Variants in TNKS observed in about 807,000 individuals in gnomAD.
TNKS encodes tankyrase, also known as poly [ADP-ribose] polymerase tankyrase-1.
In TNKS, 72 loss-of-function variants were observed where a neutral mutation model predicts 135.8. The observed-to-expected ratio is 0.53, with a 90% confidence interval of 0.44 to 0.64. The LOEUF is 0.64. TNKS is among the 30% of genes least tolerant of loss of function. The pLI is 0.00. For missense variants in TNKS, 1,769 were observed against 1,674.0 expected (o/e 1.06, Z -0.99); for synonymous variants, 849 against 649.3 (o/e 1.31, Z -4.68).
intron 20 of TNKS, among the ~76,000 whole-genome samples, chr8:9,756,824 A>G (rs1563213789): frequency 6.6e-6 from 1 of 152,042 alleles, no homozygotes; most frequent in African/African-American, 2.4e-5. Context: ...ATGCCATTTT[A>G]TCTTCTTCTT....
chr8:9,665,162 T>G (rs1801929860), intron 3 of TNKS, among the ~76,000 whole-genome samples: 1 of 152,210 alleles, frequency 6.6e-6, no homozygotes, highest in Non-Finnish European at 1.5e-5. Flanking sequence ...GACGTAAGTT[T>G]CCATTTGCTG....
chr8:9,556,521 C>T lies in TNKS; in HGVS notation c.582C>T (p.Asp194=). The T allele has an allele frequency of 6.2e-7, 1 of 1,614,098 alleles. No homozygotes were observed. The highest frequency in any genetic ancestry group is 8.5e-7 in the Non-Finnish European group (1 of 1,180,030). Residue 194 remains aspartate, a synonymous_variant, in exon 1 of 27, where the codon GAC becomes GAT. Transcript: ENST00000310430. ...RELLEACRNG[D]VSRVKRLVDA... ...TGCTGGAGGCCTGTCGCAATGGGGA[C>T]GTGTCCCGGGTAAAGAGGCTGGTGG... is the stretch of plus-strand genomic sequence containing the variant.
At chr8:9,614,064 A>G (rs1799553736) in intron 2 of TNKS, among the ~76,000 whole-genome samples, 1 of 152,172 alleles carries the variant, frequency 6.6e-6, no homozygotes, top group African/African-American at 2.4e-5. Context: ...AAAGTTAGAG[A>G]TAGTTATCAG....
intron 2 of TNKS, among the ~76,000 whole-genome samples, chr8:9,590,997 T>C (rs1798570949): frequency 1.3e-5 from 2 of 152,228 alleles, no homozygotes; most frequent in Admixed American, 1.3e-4. Context: ...CCCTAGATCA[T>C]GATTTAACTC....
chr8:9,762,081 A>G (rs1430143973), intron 21 of TNKS, among the ~76,000 whole-genome samples: 8 of 152,232 alleles, frequency 5.3e-5, no homozygotes, highest in Non-Finnish European at 8.8e-5. Context: ...TGTTTCTTTT[A>G]GGATAGAATC....
chr8:9,645,996 A>G (rs1292364745), intron 3 of TNKS, among the ~76,000 whole-genome samples: 1 of 152,154 alleles, frequency 6.6e-6, no homozygotes, highest in Non-Finnish European at 1.5e-5. Context: ...AACCCTTCTC[A>G]GTTCTTCAAT....
Position 9,780,526 on chromosome 8 carries a change from T to C in TNKS, c.*3790T>C, listed in dbSNP as rs1808414073. ...AATTGTGAAAGTGATGTTTGAGCTA[T>C]TGTACACATCTAGCATATGGAAAGC... On this transcript the variant is annotated 3_prime_UTR_variant, in exon 27 of 27. Coordinates refer to ENST00000310430, the MANE Select transcript of TNKS (RefSeq NM_003747.3). The C allele has an allele frequency of 6.6e-6, 1 of 152,240 alleles. No individual in the cohort carries two copies. The highest frequency in any genetic ancestry group is 1.5e-5 in the Non-Finnish European group (1 of 68,040). The allele number at this position is 152,240 out of a possible 1,614,324, so 9.4% of individuals were successfully genotyped here.
rs546520417 is a variant in TNKS, at chr8:9,587,473, C to A, written c.898+7090C>A. On this transcript the variant is annotated intron_variant, in intron 2 of 26. Coordinates refer to ENST00000310430, the MANE Select transcript of TNKS (RefSeq NM_003747.3). ...GGAGTGCAGTGGCACAGTCTCGGCT[C>A]ACTGTAAGCTCGGCCTCCTGGGTTC... 5.2e-4 allele frequency among the ~76,000 whole-genome samples: 78 copies of A among 151,400 alleles called. 1 individual carries two copies. In the South Asian group the frequency reaches 0.015, roughly 29 times the overall value.
chr8:9,709,406 G>A (rs367917492), intron 9 of TNKS, among the ~76,000 whole-genome samples: 1 of 151,920 alleles, frequency 6.6e-6, no homozygotes. Flanking sequence ...ATTTTAATAC[G>A]AATATTAAAA....
intron 3 of TNKS, 85 bp downstream of exon 3, chr8:9,615,762 T>G (rs372793827): frequency 2.2e-5 from 24 of 1,077,656 alleles, no homozygotes; most frequent in African/African-American, 1.9e-4. Context: ...TGAATTTTTC[T>G]TTTCACTGAT....
chr8:9,756,953 C>CT (rs1480940610), intron 20 of TNKS, among the ~76,000 whole-genome samples: 1 of 151,712 alleles, frequency 6.6e-6, no homozygotes, highest in South Asian at 2.1e-4. Flanking sequence ...CTTTGGTATA[C>CT]TTTTTTTGTT....
chr8:9,649,743 G>A (rs937728869), intron 3 of TNKS, among the ~76,000 whole-genome samples: 1 of 151,808 alleles, frequency 6.6e-6, no homozygotes, highest in East Asian at 1.9e-4. Context: ...CCATTCCTGA[G>A]TTACTTCACT....
At chr8:9,733,850 C>T (rs1805561358) in intron 15 of TNKS, among the ~76,000 whole-genome samples, 1 of 151,868 alleles carries the variant, frequency 6.6e-6, no homozygotes. Context: ...AATATTGTGT[C>T]TTTAAGAACT....
chr8:9,683,675 CTT>C (rs1802873882), intron 5 of TNKS, among the ~76,000 whole-genome samples: 1 of 150,934 alleles, frequency 6.6e-6, no homozygotes, highest in South Asian at 2.1e-4. Context: ...GGGTTTGAGA[CTT>C]TAGGTTTTTT....
At chr8:9,578,383 T>G (rs549644017) in intron 1 of TNKS, among the ~76,000 whole-genome samples, 1 of 152,236 alleles carries the variant, frequency 6.6e-6, no homozygotes, top group Non-Finnish European at 1.5e-5. Context: ...CCAGGAACCC[T>G]GGTAAGATGC....
In TNKS at chr8:9,572,112, A is replaced by C. The variant is rs80271037; in HGVS notation, c.674-8047A>C. On this transcript the variant is annotated intron_variant, in intron 1 of 26. Coordinates refer to ENST00000310430, the MANE Select transcript of TNKS (RefSeq NM_003747.3). ...ATGATATATAGACATAAGCTCACAC[A>C]CGTACTACTGAATTCATTTTTTGTC... Among the ~76,000 whole-genome samples the C allele has an allele frequency of 2.9e-4, 44 of 152,310 alleles. No homozygotes were observed. In the East Asian group the frequency reaches 7.9e-3, roughly 27 times the overall value.
intron 2 of TNKS, among the ~76,000 whole-genome samples, chr8:9,598,247 C>T (rs573182815): frequency 2.0e-4 from 30 of 152,174 alleles, no homozygotes; most frequent in South Asian, 1.5e-3. Context: ...CGGGGTTTCA[C>T]CGTGTTAGCC....
chr8:9,680,064 A>G, intron 4 of TNKS, 77 bp downstream of exon 4: 1 of 1,063,126 alleles, frequency 9.4e-7, no homozygotes, highest in Admixed American at 1.8e-5. Context: ...AGGACTATAA[A>G]AAATATAACG....
At chr8:9,746,914 G>C (rs1806266655) in intron 17 of TNKS, among the ~76,000 whole-genome samples, 1 of 112,494 alleles carries the variant, frequency 8.9e-6, no homozygotes, top group South Asian at 2.7e-4. Context: ...ACGGAGCCTT[G>C]CTCTGGTAAC....
Sources: gnomAD v4.1 joint callset for allele counts (sites outside exome capture counted in the v4.1 genomes callset) on GRCh38, gnomAD v4.1.1 for gene constraint, MANE v1.5 for transcripts, NCBI Gene and HGNC (gene_info 2026-07-23, HGNC 2026-07-21) for gene names.